Variants in C8orf34 observed in about 807,000 individuals in gnomAD.
C8orf34 encodes the protein uncharacterized protein C8orf34.
In C8orf34, 65 loss-of-function variants were observed where a neutral mutation model predicts 68.3. The ratio of observed to expected loss-of-function variants is 0.95; its 90% confidence interval spans 0.78 to 1.17. The LOEUF (loss-of-function observed/expected upper bound fraction) is 1.17, where lower values mean the gene tolerates loss of function less well. Among genes scored for constraint, C8orf34 ranks in the 50% most tolerant of loss-of-function variants. The pLI, the probability that C8orf34 is intolerant of heterozygous loss-of-function variation, is 0.00. For synonymous variants in C8orf34, 244 were observed against 241.2 expected (o/e 1.01, Z -0.11); for missense variants, 664 against 655.4 (o/e 1.01, Z -0.14).
intron 1 of C8orf34, among the ~76,000 whole-genome samples, chr8:68,362,648 C>T (rs955611172): frequency 3.9e-5 from 6 of 152,268 alleles, no homozygotes; most frequent in Non-Finnish European, 5.9e-5. Flanking sequence ...ACACCTCACA[C>T]GGCAGGATAT....
At chr8:68,498,876 A>G (rs1813644103) in intron 5 of C8orf34, among the ~76,000 whole-genome samples, 1 of 152,208 alleles carries the variant, frequency 6.6e-6, no homozygotes, top group Admixed American at 6.5e-5. Context: ...TCCCTGGAGA[A>G]ATGGCTGAAT....
At chr8:68,391,162 T>A (rs978438921) in intron 1 of C8orf34, among the ~76,000 whole-genome samples, 2 of 152,154 alleles carry the variant, frequency 1.3e-5, no homozygotes, top group Non-Finnish European at 2.9e-5. Context: ...ATTTACTTAC[T>A]CCATGAGTAG....
chr8:68,784,790 G>A (rs374244776), intron 11 of C8orf34, among the ~76,000 whole-genome samples: 1 of 125,524 alleles, frequency 8.0e-6, no homozygotes, highest in East Asian at 2.4e-4. Context: ...CCATCATTGT[G>A]TATGTGTGTG....
At chr8:68,599,983 C>T (rs552269027) in intron 7 of C8orf34, among the ~76,000 whole-genome samples, 1 of 151,904 alleles carries the variant, frequency 6.6e-6, no homozygotes, top group East Asian at 1.9e-4. Context: ...AGACACTTCA[C>T]AAAAGAAGAT....
chr8:68,414,587 G>A (rs1195072541), intron 1 of C8orf34, among the ~76,000 whole-genome samples: 7 of 130,682 alleles, frequency 5.4e-5, no homozygotes, highest in African/African-American at 1.6e-4. Context: ...TTTGATCTTG[G>A]GAAACAGAGA....
At chr8:68,548,522 C>T (rs1815960429) in intron 7 of C8orf34, among the ~76,000 whole-genome samples, 2 of 151,892 alleles carry the variant, frequency 1.3e-5, no homozygotes, top group Admixed American at 1.3e-4. Flanking sequence ...ATGAAAGATT[C>T]TCAACACTAA....
In C8orf34 at chr8:68,621,961, TC is replaced by T. The variant is rs554114350; in HGVS notation, c.1106-18414del. Among the ~76,000 whole-genome samples, 26 of 152,336 alleles carry T rather than the reference TC, an allele frequency of 1.7e-4. No individual in the cohort carries two copies. In the East Asian group the frequency reaches 5.0e-3, roughly 29 times the overall value. ...GCACAGCTTAACTGGGTCTTCTACTTCAGGCCATCTCACATGGTTGTGATCA... is the reference window on the plus strand; with the variant it reads ...GCACAGCTTAACTGGGTCTTCTACTTAGGCCATCTCACATGGTTGTGATCA... On this transcript the variant is annotated intron_variant, in intron 7 of 13. Coordinates refer to ENST00000518698, the MANE Select transcript of C8orf34 (RefSeq NM_052958.4).
At chr8:68,402,928 C>A (rs1432134049) in intron 1 of C8orf34, among the ~76,000 whole-genome samples, 1 of 152,200 alleles carries the variant, frequency 6.6e-6, no homozygotes, top group Non-Finnish European at 1.5e-5. Context: ...TTCATTACCA[C>A]AGGTGCTGTG....
chr8:68,812,725 A>G lies in C8orf34; in HGVS notation c.1550-3161A>G, dbSNP rs187830628. On this transcript the variant is annotated intron_variant, in intron 12 of 13. Transcript: ENST00000518698. Reference sequence around the variant, plus strand: ...TTTTTACTTAACAAATATTTATTGAATCAACTTCATGAATGAATAAATGAA... The same window carrying G: ...TTTTTACTTAACAAATATTTATTGAGTCAACTTCATGAATGAATAAATGAA... Among the ~76,000 whole-genome samples the G allele has an allele frequency of 2.2e-4, 33 of 152,292 alleles. No individual in the cohort carries two copies. The East Asian group carries it at 6.2e-3, about 28-fold the overall frequency.
intron 7 of C8orf34, among the ~76,000 whole-genome samples, chr8:68,541,214 AC>A (rs1454130388): frequency 6.6e-6 from 1 of 152,046 alleles, no homozygotes; most frequent in Admixed American, 6.6e-5. Flanking sequence ...TGTAATCCTA[AC>A]ACTTTAGGAG....
chr8:68,536,358 C>CAAAAAAAAAAAAAAAAA (rs10696903), intron 7 of C8orf34, among the ~76,000 whole-genome samples: 16 of 49,208 alleles, frequency 3.3e-4, no homozygotes, highest in African/African-American at 4.2e-4. Context: ...GACCCTATCT[C>CAAAAAAAAAAAAAAAAA]AAAAAAAAAA....
chr8:68,465,493 C>A (rs1044132281), intron 3 of C8orf34, among the ~76,000 whole-genome samples: 5 of 151,862 alleles, frequency 3.3e-5, no homozygotes, highest in Admixed American at 6.6e-5. Context: ...TATAAAGACA[C>A]ATGCACACGT....
intron 9 of C8orf34, among the ~76,000 whole-genome samples, chr8:68,715,426 GA>G (rs1464104631): frequency 1.3e-5 from 2 of 151,806 alleles, no homozygotes; most frequent in Admixed American, 6.6e-5. Context: ...AAATCAGCAA[GA>G]AAAAAACTAA....
intron 1 of C8orf34, among the ~76,000 whole-genome samples, chr8:68,408,248 C>G (rs577426931): frequency 6.6e-6 from 1 of 151,502 alleles, no homozygotes; most frequent in African/African-American, 2.4e-5. Flanking sequence ...TCCCATCACC[C>G]CCAGATGGGA....
chr8:68,418,676 G>C (rs1419000476), intron 1 of C8orf34, among the ~76,000 whole-genome samples: 1 of 152,054 alleles, frequency 6.6e-6, no homozygotes, highest in African/African-American at 2.4e-5. Context: ...GAATAACACC[G>C]CATATCTACA....
At chr8:68,784,243 T>G (rs969431582) in intron 11 of C8orf34, among the ~76,000 whole-genome samples, 1 of 152,208 alleles carries the variant, frequency 6.6e-6, no homozygotes, top group Non-Finnish European at 1.5e-5. Context: ...CTCAGATATT[T>G]TGCAAATTGT....
At chr8:68,811,819 A>T (rs894970596) in intron 12 of C8orf34, among the ~76,000 whole-genome samples, 2 of 152,200 alleles carry the variant, frequency 1.3e-5, no homozygotes, top group African/African-American at 2.4e-5. Context: ...TATGGGTATT[A>T]TTAATATGAT....
chr8:68,573,983 T>A (rs1207929289), intron 7 of C8orf34, among the ~76,000 whole-genome samples: 2 of 152,194 alleles, frequency 1.3e-5, no homozygotes. Context: ...CATTAGATGA[T>A]CAAAAGTTTT....
At chr8:68,603,699 C>T (rs1322437288) in intron 7 of C8orf34, among the ~76,000 whole-genome samples, 2 of 151,888 alleles carry the variant, frequency 1.3e-5, no homozygotes, top group Non-Finnish European at 2.9e-5. Context: ...AGAGACAAAA[C>T]TAATCTGTGG....
Sources: allele counts gnomAD v4.1 joint callset (sites outside exome capture counted in the v4.1 genomes callset), GRCh38; gene constraint gnomAD v4.1.1; transcripts MANE v1.5; gene names NCBI Gene and HGNC (gene_info 2026-07-23, HGNC 2026-07-21).